UST: variants seen among roughly 807,000 people sequenced by gnomAD.
The protein encoded by UST is uronyl 2-sulfotransferase.
Under a neutral mutation model 45.6 loss-of-function variants are expected in UST, and 21 were observed. The ratio of observed to expected loss-of-function variants is 0.46; its 90% CI spans 0.33 to 0.66. UST has a LOEUF of 0.66. Ranked by LOEUF, UST falls within the 30% of genes least tolerant of loss-of-function variation. The probability of loss-of-function intolerance (pLI) is 0.02; values close to 1 mark genes in which losing one functional copy is unlikely to be tolerated. For missense variants in UST, 463 were observed against 512.4 expected, an observed-to-expected ratio of 0.90 and a Z score of 0.93; for synonymous variants, 215 against 200.6, an observed-to-expected ratio of 1.07 and a Z score of -0.61.
At chr6:148,947,361 G>A (rs942128385) in intron 3 of UST, among the ~76,000 whole-genome samples, 3 of 152,142 alleles carry the variant, frequency 2.0e-5, no homozygotes, top group African/African-American at 7.2e-5. Flanking sequence ...AAATCTGCTG[G>A]GGAGCGTTCT....
Position 148,748,399 on chromosome 6 carries a change from TTGTGTGTGTG to T in UST, c.247+767_247+776del, listed in dbSNP as rs34342100. 0.031 allele frequency among the ~76,000 whole-genome samples: 3,929 copies of T among 127,556 alleles called. 81 individuals are homozygous for T. Among genetic ancestry groups the T allele is most frequent in the African/African-American group, 0.047 (1,540 of 32,566 alleles). The allele number at this position is 127,556 out of a possible 152,430, so 83.7% of individuals were successfully genotyped here. A position where few individuals can be genotyped will look rare whatever the true frequency, so the allele number is the denominator to read the frequency against. On this transcript the variant is annotated intron_variant, in intron 1 of 7. Coordinates refer to ENST00000367463, the MANE Select transcript of UST (RefSeq NM_005715.3). This position sits in a 1 kb window ranked among gnomAD's most constrained non-coding sequence, Gnocchi z 5.3. ...GTGCGTCTCAAGCTCAAGTCAAAAC[TTGTGTGTGTG>T]TGTGTGTGTGTGTGTGTGTGTGTGT...
chr6:148,942,947 T>C (rs1411722559), intron 3 of UST, among the ~76,000 whole-genome samples: 1 of 152,184 alleles, frequency 6.6e-6, no homozygotes, highest in Non-Finnish European at 1.5e-5. Context: ...GTAGGTTCCA[T>C]ATTAGGGTCT....
At chr6:148,956,168 C>A (rs1048329956) in intron 4 of UST, 1 of 152,126 alleles carries the variant, frequency 6.6e-6, no homozygotes, top group Non-Finnish European at 1.5e-5. Context: ...AAAACAAGGA[C>A]AGTTCTCAGT....
intron 2 of UST, among the ~76,000 whole-genome samples, chr6:148,889,464 C>T (rs1045998916): frequency 2.6e-5 from 4 of 152,096 alleles, no homozygotes; most frequent in Admixed American, 6.5e-5. Flanking sequence ...AGAATGGTGC[C>T]GAAGGTCCTG....
At chr6:148,990,355 T>C (rs139875350) in intron 5 of UST, 1 of 982,548 alleles carries the variant, frequency 1.0e-6, no homozygotes, top group African/African-American at 1.7e-5. Flanking sequence ...GAGATCTTTC[T>C]TTCTTTTAAA....
intron 2 of UST, among the ~76,000 whole-genome samples, chr6:148,926,562 G>T (rs1288145696): frequency 6.6e-6 from 1 of 152,192 alleles, no homozygotes; most frequent in African/African-American, 2.4e-5. Flanking sequence ...CTTGCCTCAT[G>T]GTCACAGGAT....
rs569641560 is a variant in UST at position 148,802,394 on chromosome 6, AT to A, written c.247+54722del. ...TTGAAATTATCTTTTTGTCATTTTAATTTTTCACTTGTGAGAACACAATGTA... is the reference window on the plus strand; with the variant it reads ...TTGAAATTATCTTTTTGTCATTTTAATTTTCACTTGTGAGAACACAATGTA... On this transcript the variant is annotated intron_variant, in intron 1 of 7. Coordinates refer to ENST00000367463, the MANE Select transcript of UST (RefSeq NM_005715.3). Among the ~76,000 whole-genome samples the A allele has an allele frequency of 3.3e-5, 5 of 152,338 alleles. No individual in the cohort carries two copies. The South Asian group carries it at 1.0e-3, about 32-fold the overall frequency.
chr6:148,956,968 G>A (rs1337816369), intron 4 of UST, among the ~76,000 whole-genome samples: 1 of 152,170 alleles, frequency 6.6e-6, no homozygotes, highest in Non-Finnish European at 1.5e-5. Context: ...TCTTCGGGGA[G>A]GTGAGGGATG....
chr6:148,874,644 C>T (rs1778615237), intron 1 of UST, among the ~76,000 whole-genome samples: 1 of 152,038 alleles, frequency 6.6e-6, no homozygotes, highest in East Asian at 1.9e-4. Flanking sequence ...TTAATAAAGC[C>T]ATTTGTTTTA....
At chr6:148,961,883 A>G (rs1418174496) in intron 4 of UST, among the ~76,000 whole-genome samples, 1 of 152,212 alleles carries the variant, frequency 6.6e-6, no homozygotes, top group Non-Finnish European at 1.5e-5. Flanking sequence ...AGAAGATGGA[A>G]TGAGGGTAGG....
At position 148,800,149 on chromosome 6, in the gene UST, A is replaced by G. The variant is rs115804978; in HGVS notation, c.247+52472A>G. On this transcript the variant is annotated intron_variant, in intron 1 of 7. Coordinates refer to ENST00000367463, the MANE Select transcript of UST (RefSeq NM_005715.3). The stretch of plus-strand genomic sequence containing the variant: ...AATAAAAATGCTGGGCTTTGGCATC[A>G]GAAAAACATGGATAAGGCTCTTCCT... Among the ~76,000 whole-genome samples the G allele has an allele frequency of 8.2e-3, 1,253 of 152,342 alleles. 20 individuals carry two copies. The highest frequency in any genetic ancestry group is 0.029 in the African/African-American group (1,199 of 41,578).
At chr6:148,919,417 C>CGTGTGTGTGT in intron 2 of UST, among the ~76,000 whole-genome samples, 1 of 148,130 alleles carries the variant, frequency 6.8e-6, no homozygotes, top group South Asian at 2.1e-4. Context: ...GTGTCAGAGC[C>CGTGTGTGTGT]GTGTGTGTGT....
At chr6:149,036,132 T>G (rs903889609) in intron 7 of UST, among the ~76,000 whole-genome samples, 3 of 152,200 alleles carry the variant, frequency 2.0e-5, no homozygotes, top group African/African-American at 7.2e-5. Context: ...GTATGGAGCC[T>G]CTGCCCAAAC....
At chr6:148,870,700 G>A (rs1778533602) in intron 1 of UST, among the ~76,000 whole-genome samples, 1 of 152,086 alleles carries the variant, frequency 6.6e-6, no homozygotes. Flanking sequence ...GTCTTCTCTT[G>A]GTTACTCACA....
intron 1 of UST, among the ~76,000 whole-genome samples, chr6:148,779,560 A>G (rs1414722876): frequency 1.3e-5 from 2 of 152,232 alleles, no homozygotes; most frequent in Admixed American, 6.5e-5. Context: ...ACGCCAGGGA[A>G]ATAATAATTC....
At chr6:148,962,402 T>TAA in intron 4 of UST, among the ~76,000 whole-genome samples, 1 of 152,352 alleles carries the variant, frequency 6.6e-6, no homozygotes, top group South Asian at 2.1e-4. Flanking sequence ...CACATGAACA[T>TAA]AAAAGAACAG....
chr6:148,854,476 A>G (rs1778164659), intron 1 of UST, among the ~76,000 whole-genome samples: 1 of 152,210 alleles, frequency 6.6e-6, no homozygotes, highest in Admixed American at 6.5e-5. Context: ...GCTTTTCTTC[A>G]TATTTACTTA....
At chr6:148,843,238 T>A (rs1228300843) in intron 1 of UST, among the ~76,000 whole-genome samples, 1 of 152,262 alleles carries the variant, frequency 6.6e-6, no homozygotes, top group East Asian at 1.9e-4. Context: ...CAAAGGCCAC[T>A]GGCCCAGGCC....
intron 1 of UST, among the ~76,000 whole-genome samples, chr6:148,775,723 A>G (rs1420330073): frequency 6.6e-6 from 1 of 151,422 alleles, no homozygotes; most frequent in African/African-American, 2.4e-5. Flanking sequence ...TGCTTCCTGG[A>G]TTCAAGCAAT....
Sources: gnomAD v4.1 joint callset for allele counts (sites outside exome capture counted in the v4.1 genomes callset) on GRCh38, gnomAD v4.1.1 for gene constraint, Gnocchi (gnomAD v3.1) non-coding constraint, MANE v1.5 for transcripts, NCBI Gene and HGNC (gene_info 2026-07-23, HGNC 2026-07-21) for gene names.